The following ACADL variants were observed in gnomAD, a reference collection of about 807,000 sequenced individuals.
The protein encoded by ACADL is acyl-CoA dehydrogenase long chain.
In ACADL, 60 loss-of-function variants were observed where a neutral mutation model predicts 56.9. The observed-to-expected ratio is 1.05, with a 90% confidence interval of 0.86 to 1.31. ACADL has a LOEUF of 1.31. ACADL is among the 50% of genes most tolerant of loss of function. The probability of loss-of-function intolerance (pLI) is 0.00; values close to 1 mark genes in which losing one functional copy is unlikely to be tolerated. For missense variants in ACADL, 484 were observed against 525.5 expected (o/e 0.92, Z 0.77); for synonymous variants, 158 against 179.7 (o/e 0.88, Z 0.97).
In ACADL at chr2:210,213,851, A is replaced by G. The variant is rs548628165; in HGVS notation, c.536+2496T>C. On this transcript the variant is annotated intron_variant, in intron 4 of 10. Coordinates refer to ENST00000233710, the MANE Select transcript of ACADL (RefSeq NM_001608.4). ...CTTCTTATACAGAAATCATATCTCT[A>G]TATTCCATATATCTTATTATAATAG... 2.6e-5 allele frequency among the ~76,000 whole-genome samples: 4 copies of G among 152,218 alleles called. No homozygotes were observed. The East Asian group carries it at 5.8e-4, about 22-fold the overall frequency.
At chr2:210,217,660 C>A (rs185307199) in intron 3 of ACADL, 26 of 293,142 alleles carry the variant, frequency 8.9e-5, no homozygotes, top group Non-Finnish European at 2.6e-5. Flanking sequence ...TTCTACTCTG[C>A]TGTTCTCTTT....
intron 4 of ACADL, among the ~76,000 whole-genome samples, chr2:210,211,771 A>G (rs1490981769): frequency 1.3e-5 from 2 of 151,844 alleles, no homozygotes; most frequent in African/African-American, 4.8e-5. Context: ...GGTATTTTTT[A>G]TAGCAATGCA....
At chr2:210,197,115 G>A (rs554769453) in intron 8 of ACADL, among the ~76,000 whole-genome samples, 97 of 152,274 alleles carry the variant, frequency 6.4e-4, no homozygotes, top group African/African-American at 2.1e-3. Flanking sequence ...GTGGAGTAAA[G>A]CTCTGAGGGG....
At chr2:210,220,832 G>A (rs1392252302) in intron 1 of ACADL, 30 bp from the exon 2 acceptor site, 1 of 1,532,416 alleles carries the variant, frequency 6.5e-7, no homozygotes, top group South Asian at 1.2e-5. Context: ...AATAGGAAAA[G>A]TAAGTGAATT....
At chr2:210,210,458 A>C (rs1688960347) in intron 4 of ACADL, among the ~76,000 whole-genome samples, 196 bp from the exon 5 acceptor site, 1 of 152,222 alleles carries the variant, frequency 6.6e-6, no homozygotes, top group African/African-American at 2.4e-5. Context: ...ATACAAATAA[A>C]TATATGATTA....
At position 210,218,072 on chromosome 2, in the gene ACADL, C is replaced by G; in HGVS notation, c.264G>C (p.Glu88Asp). Residue 88 changes from glutamate (E) to aspartate (D), a missense_variant, in exon 3 of 11, where the codon GAG becomes GAC. Physicochemically the swap from Glu to Asp is conservative, Grantham distance 45 (BLOSUM62 2). Transcript: ENST00000233710. ...CTTGTTTTCCAGCTTTTTCCCAAAC[C>G]TCCCTACTTACTTCTCCAGCTTTCT... is the stretch of plus-strand genomic sequence containing the variant. ...EWEKAGEVSR[E>D]VWEKAGKQGL... 1 of 1,613,838 alleles carries G rather than the reference C, an allele frequency of 6.2e-7. No homozygotes were observed. Among genetic ancestry groups the G allele is most frequent in the Non-Finnish European group, 8.5e-7 (1 of 1,179,930 alleles).
intron 10 of ACADL, among the ~76,000 whole-genome samples, chr2:210,192,166 CT>C (rs199848154): frequency 0.075 from 10,244 of 136,670 alleles, 395 homozygotes; most frequent in East Asian, 0.29. Context: ...TTCTGTATTG[CT>C]TTTTTTTTTT....
At chr2:210,209,184 A>G (rs934169511) in intron 5 of ACADL, among the ~76,000 whole-genome samples, 1 of 152,236 alleles carries the variant, frequency 6.6e-6, no homozygotes, top group Non-Finnish European at 1.5e-5. Flanking sequence ...TACAGAGATA[A>G]TAGCCCAAAC....
intron 3 of ACADL, chr2:210,216,776 T>C (rs1435150275): frequency 2.4e-6 from 1 of 408,968 alleles, no homozygotes; most frequent in Admixed American, 3.6e-5. Context: ...TCACCTGCAG[T>C]TGTATTCCTC....
At chr2:210,199,505 C>G (rs13414611) in intron 8 of ACADL, among the ~76,000 whole-genome samples, 182 of 151,884 alleles carry the variant, frequency 1.2e-3, no homozygotes, top group African/African-American at 4.3e-3. Flanking sequence ...ATATTTTTCC[C>G]CTATGAGAAA....
At chr2:210,197,273 G>C (rs1228518855) in intron 8 of ACADL, among the ~76,000 whole-genome samples, 1 of 152,052 alleles carries the variant, frequency 6.6e-6, no homozygotes, top group African/African-American at 2.4e-5. Context: ...TGAGAAGGTT[G>C]GCACCCCACT....
At chr2:210,210,973 AT>A (rs1417252517) in intron 4 of ACADL, among the ~76,000 whole-genome samples, 4 of 152,030 alleles carry the variant, frequency 2.6e-5, no homozygotes, top group Admixed American at 6.6e-5. Flanking sequence ...CTCAAATGCC[AT>A]TTTTTTCTAA....
intron 8 of ACADL, among the ~76,000 whole-genome samples, chr2:210,201,637 C>G (rs940130804): frequency 6.6e-6 from 1 of 152,110 alleles, no homozygotes; most frequent in African/African-American, 2.4e-5. Context: ...TTCTACCTTT[C>G]CCTTCACAAA....
intron 2 of ACADL, among the ~76,000 whole-genome samples, chr2:210,220,430 AT>A (rs1689156277): frequency 6.6e-6 from 1 of 152,126 alleles, no homozygotes; most frequent in Non-Finnish European, 1.5e-5. Context: ...TAAGTTGTAA[AT>A]TTTCAAATTT....
Position 210,220,582 on chromosome 2 carries a change from A to G in ACADL, c.233+65T>C. 2.7e-6 allele frequency: 4 copies of G among 1,471,450 alleles called. No homozygotes were observed. In the South Asian group the frequency reaches 4.6e-5, roughly 17 times the overall value. The allele number at this position is 1,471,450 out of a possible 1,614,324, so 91.1% of individuals were successfully genotyped here. A position where few individuals can be genotyped will look rare whatever the true frequency, so the allele number is the denominator to read the frequency against. ...TGTTTTCTGTATAGCAATATATGGC[A>G]TTCTAGGAAATGGTCCTATAATACC... is the stretch of plus-strand genomic sequence containing the variant. On this transcript the variant is annotated intron_variant, in intron 2 of 10. Coordinates refer to ENST00000233710, the MANE Select transcript of ACADL (RefSeq NM_001608.4).
chr2:210,209,980 A>G, intron 5 of ACADL: 1 of 484,598 alleles, frequency 2.1e-6, no homozygotes, highest in Non-Finnish European at 3.7e-6. Context: ...AACCTTTGCC[A>G]TATTAGTGAG....
intron 5 of ACADL, among the ~76,000 whole-genome samples, chr2:210,206,649 G>A (rs188349589): frequency 3.3e-5 from 5 of 152,104 alleles, no homozygotes; most frequent in Non-Finnish European, 7.4e-5. Context: ...AGATGATATT[G>A]ATACAGAAAA....
At chr2:210,220,980 T>C (rs1169318500) in intron 1 of ACADL, among the ~76,000 whole-genome samples, 178 bp from the exon 2 acceptor site, 1 of 152,174 alleles carries the variant, frequency 6.6e-6, no homozygotes, top group East Asian at 1.9e-4. Flanking sequence ...TGATGGGATC[T>C]ACCTCATGTA....
chr2:210,195,279 C>T lies in ACADL; in HGVS notation c.1044G>A (p.Val348=). ...KTHICVTRAF[V]DNCLQLHEAK... is the part of the protein sequence containing the mutation. ...CTTCATGCAGCTGGAGACAGTTGTCCACAAATGCTCGGGTTACACATATAT... is the reference window on the plus strand; with the variant it reads ...CTTCATGCAGCTGGAGACAGTTGTCTACAAATGCTCGGGTTACACATATAT... The change falls in exon 9 of 11, where the codon GTG becomes GTA. Residue 348 remains valine (V), a synonymous_variant. Coordinates refer to ENST00000233710, the MANE Select transcript of ACADL (RefSeq NM_001608.4). The T allele has an allele frequency of 6.2e-7, 1 of 1,613,802 alleles. No homozygotes were observed. Among genetic ancestry groups the T allele is most frequent in the Non-Finnish European group, 8.5e-7 (1 of 1,179,850 alleles).
Sources: gnomAD v4.1 joint callset for allele counts (sites outside exome capture counted in the v4.1 genomes callset) on GRCh38, gnomAD v4.1.1 for gene constraint, MANE v1.5 for transcripts, NCBI Gene and HGNC (gene_info 2026-07-23, HGNC 2026-07-21) for gene names.